ARL10: variants seen among roughly 807,000 people sequenced by gnomAD.
ARL10 encodes ARF like GTPase 10, also known as ADP-ribosylation factor-like protein 10.
A neutral mutation model predicts 26.1 loss-of-function variants in ARL10; 23 were observed. That is an observed-to-expected ratio of 0.88 (90% confidence interval 0.63 to 1.25). ARL10 has a LOEUF of 1.25. Ranked by LOEUF, ARL10 falls within the 50% of genes most tolerant of loss-of-function variation. ARL10 has a pLI of 0.00. For synonymous variants in ARL10, 138 were observed against 149.1 expected (o/e 0.93, Z 0.54); for missense variants, 300 against 323.6 (o/e 0.93, Z 0.56).
chr5:176,366,659 C>T, intron 2 of ARL10, 78 bp downstream of exon 2: 1 of 1,509,138 alleles, frequency 6.6e-7, no homozygotes, highest in Non-Finnish European at 9.1e-7. Flanking sequence ...AGGGGGCTTC[C>T]AAAATGCATG....
chr5:176,375,287 C>CCACCCAT lies in ARL10; in HGVS notation c.*3393_*3394insACCCATC, dbSNP rs1768665406. 2.2e-5 allele frequency: 1 copy of CCACCCAT among 45,884 alleles called. No individual in the cohort carries two copies. The highest frequency in any genetic ancestry group is 7.8e-5 in the African/African-American group (1 of 12,822). The allele number at this position is 45,884 out of a possible 1,614,324, so 2.8% of individuals were successfully genotyped here. A position where few individuals can be genotyped will look rare whatever the true frequency, so the allele number is the denominator to read the frequency against. Reference sequence around the variant, plus strand: ...ACCCATCCACCCATCCATCCATCCACCCATCCATCCATCCATCCATCCATC... The same window carrying CCACCCAT: ...ACCCATCCACCCATCCATCCATCCACCACCCATCCATCCATCCATCCATCCATCCATC... On this transcript the variant is annotated 3_prime_UTR_variant, in exon 4 of 4. Transcript: ENST00000310389.
chr5:176,375,243 T>C lies in ARL10; in HGVS notation c.*3348T>C, dbSNP rs1442122715. 1 of 130,442 alleles carries C rather than the reference T, an allele frequency of 7.7e-6. No homozygotes were observed. Among genetic ancestry groups the C allele is most frequent in the African/African-American group, 2.9e-5 (1 of 34,354 alleles). The allele number at this position is 130,442 out of a possible 1,614,324, so 8.1% of individuals were successfully genotyped here. On this transcript the variant is annotated 3_prime_UTR_variant, in exon 4 of 4. Coordinates refer to ENST00000310389, the MANE Select transcript of ARL10 (RefSeq NM_173664.6). ...ATCCACCCATCCATCCATCCATCCA[T>C]CCATCCTTCCATCCATCCACCCATC...
At chr5:176,394,640 C>T (rs183942954) in intron 1 of ARL10, among the ~76,000 whole-genome samples, 183 of 129,246 alleles carry the variant, frequency 1.4e-3, no homozygotes, top group Non-Finnish European at 2.4e-3. Context: ...CGGTGAAACC[C>T]CGTCTCTACT....
downstream of ARL10, among the ~76,000 whole-genome samples, chr5:176,402,252 C>T (rs995182955): frequency 2.0e-5 from 3 of 152,092 alleles, no homozygotes; most frequent in Non-Finnish European, 4.4e-5. Flanking sequence ...GAGCCGAGAT[C>T]GTGCCACTGT....
chr5:176,399,985 A>C (rs547406978), intron 1 of ARL10, among the ~76,000 whole-genome samples: 1 of 152,240 alleles, frequency 6.6e-6, no homozygotes, highest in African/African-American at 2.4e-5. Context: ...TGAGGTCAGG[A>C]GTTCGAGACC....
chr5:176,406,448 C>T (rs75395817), downstream of ARL10: 1,913 of 1,179,486 alleles, frequency 1.6e-3, 1 homozygote, highest in Non-Finnish European at 1.9e-3. Context: ...AGAGGATGAG[C>T]CACATCCTTC....
chr5:176,369,916 A>C (rs1768480725), intron 3 of ARL10, among the ~76,000 whole-genome samples: 1 of 150,634 alleles, frequency 6.6e-6, no homozygotes, highest in African/African-American at 2.4e-5. Flanking sequence ...CTGTGATCAC[A>C]CTACTGCACT....
Position 176,365,714 on chromosome 5 carries a change from G to C in ARL10, c.151G>C (p.Ala51Pro). Residue 51 changes from alanine (A) to proline (P), a missense_variant, in exon 1 of 4, where the codon GCT becomes CCT. Physicochemically the swap from Ala to Pro is conservative, Grantham distance 27. Transcript: ENST00000310389. ...GGGAGAGGCCTGGTGGGGCGCGGAG[G>C]CTGCCCGCCTCCCCGAGTGGGACGA... ...DRGEAWWGAE[A>P]ARLPEWDEWD... 1 of 1,239,032 alleles carries C rather than the reference G, an allele frequency of 8.1e-7. No homozygotes were observed. Among genetic ancestry groups the C allele is most frequent in the African/African-American group, 1.5e-5 (1 of 64,534 alleles). The allele number at this position is 1,239,032 out of a possible 1,614,324, so 76.8% of individuals were successfully genotyped here.
At chr5:176,371,487 G>A (rs1332198078) in intron 3 of ARL10, among the ~76,000 whole-genome samples, 3 of 151,262 alleles carry the variant, frequency 2.0e-5, no homozygotes, top group Non-Finnish European at 4.4e-5. Flanking sequence ...GGCTACTTCT[G>A]GGAACTTGGG....
At chr5:176,370,749 AG>A (rs1398580772) in intron 3 of ARL10, among the ~76,000 whole-genome samples, 4 of 152,226 alleles carry the variant, frequency 2.6e-5, no homozygotes, top group Admixed American at 1.3e-4. Context: ...GAATTGCTCC[AG>A]GAAGAATCAT....
intron 1 of ARL10, among the ~76,000 whole-genome samples, chr5:176,387,186 T>G (rs1755928623): frequency 1.3e-5 from 2 of 151,980 alleles, no homozygotes; most frequent in South Asian, 4.2e-4. Context: ...GTTCAAGTGA[T>G]CTCCTGCCTC....
chr5:176,414,529 G>A, the ARL10 span, among the ~76,000 whole-genome samples: 30 of 151,074 alleles, frequency 2.0e-4, no homozygotes, highest in Admixed American at 1.7e-3. Flanking sequence ...TACACCTCCC[G>A]GGCTCAAGCT....
intron 1 of ARL10, among the ~76,000 whole-genome samples, chr5:176,394,829 G>T (rs1756440233): frequency 6.6e-6 from 1 of 150,790 alleles, no homozygotes; most frequent in Admixed American, 6.6e-5. Context: ...AAAAAAAAAA[G>T]TTTGAGAAGC....
chr5:176,408,936 T>G, the ARL10 span, among the ~76,000 whole-genome samples: 46 of 152,356 alleles, frequency 3.0e-4, 1 homozygote, highest in Admixed American at 2.9e-3. Context: ...TAACCATTGT[T>G]AACAGCTGGT....
chr5:176,400,592 C>T (rs186741594), intron 1 of ARL10, among the ~76,000 whole-genome samples: 5 of 152,342 alleles, frequency 3.3e-5, no homozygotes, highest in East Asian at 1.9e-4. Context: ...TCCAGCCACA[C>T]CCGCTCTGGC....
At chr5:176,386,693 A>T (rs1408226390), downstream of ARL10, 1 of 760,092 alleles carries the variant, frequency 1.3e-6, no homozygotes, top group Non-Finnish European at 2.4e-6. Context: ...GCCAGGACAC[A>T]GTCCTAACTC....
downstream of ARL10, chr5:176,406,094 TCC>T (rs1757108842): frequency 1.1e-6 from 1 of 948,076 alleles, no homozygotes; most frequent in Admixed American, 6.2e-5. Context: ...CCTGCCCCTG[TCC>T]CCACCCCTAC....
In ARL10 at chr5:176,368,964, CGTG is replaced by C. The variant is rs1277284321; in HGVS notation, c.548_550del (p.Val183del). 4.3e-6 allele frequency: 7 copies of C among 1,613,886 alleles called. No homozygotes were observed. The highest frequency in any genetic ancestry group is 1.7e-5 in the Admixed American group (1 of 59,996). On this transcript the variant is annotated inframe_deletion, in exon 3 of 4. Coordinates refer to ENST00000310389, the MANE Select transcript of ARL10 (RefSeq NM_173664.6). The surrounding 1 kb of genome is among the most constrained non-coding windows in gnomAD (Gnocchi z 4.1). ...ACAAGGACCCTGACCTGCCTGTCGT[CGTG>C]GTGGCCAACAAGCAGGTGAGGGCTG...
chr5:176,388,800 C>G (rs144769380), downstream of ARL10: 1 of 1,607,306 alleles, frequency 6.2e-7, no homozygotes, highest in South Asian at 1.1e-5. Context: ...CCGATTTTCT[C>G]CTGCTGCTGT....
Sources: allele counts gnomAD v4.1 joint callset (sites outside exome capture counted in the v4.1 genomes callset), GRCh38; gene constraint gnomAD v4.1.1; non-coding constraint Gnocchi (gnomAD v3.1); transcripts MANE v1.5; gene names NCBI Gene and HGNC (gene_info 2026-07-23, HGNC 2026-07-21).